Variants in ZCCHC4 observed in about 807,000 individuals in gnomAD.
ZCCHC4 encodes the protein rRNA N(6)-adenosine-methyltransferase ZCCHC4.
In ZCCHC4, 54 loss-of-function variants were observed where a neutral mutation model predicts 67.7. The ratio of observed to expected loss-of-function variants is 0.80; its 90% CI spans 0.64 to 1.00. The LOEUF (loss-of-function observed/expected upper bound fraction) is 1.00, where lower values mean the gene tolerates loss of function less well. Among genes scored for constraint, ZCCHC4 ranks in the 50% least tolerant of loss-of-function variants. ZCCHC4 has a pLI of 0.00. For synonymous variants in ZCCHC4, 198 were observed against 213.5 expected, an observed-to-expected ratio of 0.93 and a Z score of 0.63; for missense variants, 609 against 617.0, an observed-to-expected ratio of 0.99 and a Z score of 0.14.
chr4:25,347,382 A>C (rs1408879949), intron 6 of ZCCHC4, among the ~76,000 whole-genome samples: 1 of 152,196 alleles, frequency 6.6e-6, no homozygotes, highest in Admixed American at 6.5e-5. Flanking sequence ...TTACCTTATA[A>C]GTTTCTACAA....
intron 5 of ZCCHC4, among the ~76,000 whole-genome samples, chr4:25,343,048 G>A (rs1719832656): frequency 6.6e-6 from 1 of 152,142 alleles, no homozygotes; most frequent in Non-Finnish European, 1.5e-5. Flanking sequence ...TACTTATAAA[G>A]CAGTGCAAGA....
chr4:25,366,330 T>C, intron 12 of ZCCHC4: 1 of 834,018 alleles, frequency 1.2e-6, no homozygotes, highest in Non-Finnish European at 1.4e-6. Context: ...TTTTTTTTTT[T>C]TTAAAGACAG....
chr4:25,327,394 C>T (rs540960055), intron 3 of ZCCHC4, among the ~76,000 whole-genome samples: 7 of 139,656 alleles, frequency 5.0e-5, no homozygotes, highest in Non-Finnish European at 7.6e-5. Context: ...CCCTCCCTCC[C>T]TCCCTCCTTC....
At chr4:25,332,079 G>A (rs1459906036) in intron 3 of ZCCHC4, among the ~76,000 whole-genome samples, 1 of 152,066 alleles carries the variant, frequency 6.6e-6, no homozygotes, top group Non-Finnish European at 1.5e-5. Flanking sequence ...AGGCCAAGGC[G>A]GGCGGATCAC....
intron 8 of ZCCHC4, among the ~76,000 whole-genome samples, chr4:25,357,763 C>T (rs1434642258): frequency 6.6e-6 from 1 of 152,206 alleles, no homozygotes; most frequent in Non-Finnish European, 1.5e-5. Flanking sequence ...CTTACCTGTA[C>T]TGACCTCATA....
At position 25,349,550 on chromosome 4, in the gene ZCCHC4, T is replaced by A. The variant is rs2109081688; in HGVS notation, c.818T>A (p.Met273Lys). 6.2e-7 allele frequency: 1 copy of A among 1,614,050 alleles called. No individual in the cohort carries two copies. The highest frequency in any genetic ancestry group is 2.2e-5 in the East Asian group (1 of 44,876). ...LQEDKGEGII[M>K]VTDPPFGGLV... ...GAAGATAAAGGCGAAGGAATCATTA[T>A]GGTGACGGATCCTCCGTTTGGTGGC... is the stretch of plus-strand genomic sequence containing the variant. The change falls in exon 7 of 13, where the codon ATG becomes AAG. Residue 273 changes from methionine (M) to lysine (K), a missense_variant. Transcript: ENST00000302874.
chr4:25,355,633 A>G (rs1029270134), intron 8 of ZCCHC4, among the ~76,000 whole-genome samples: 1 of 152,186 alleles, frequency 6.6e-6, no homozygotes, highest in Non-Finnish European at 1.5e-5. Flanking sequence ...GCCTGTTAGG[A>G]CAGTATGTTT....
chr4:25,327,426 T>TTCCCTCCTTCCCTCC (rs1218484287), intron 3 of ZCCHC4, among the ~76,000 whole-genome samples: 69 of 87,566 alleles, frequency 7.9e-4, no homozygotes, highest in African/African-American at 3.8e-3. Context: ...CCTTCCCTCC[T>TTCCCTCCTTCCCTCC]TCCCTCCTTC....
chr4:25,314,253 C>A, intron 2 of ZCCHC4, 89 bp downstream of exon 2: 2 of 802,414 alleles, frequency 2.5e-6, no homozygotes, highest in South Asian at 3.4e-5. Flanking sequence ...AATATGCGGT[C>A]TGAACATACA....
Position 25,333,196 on chromosome 4 carries a change from A to C in ZCCHC4, c.343A>C (p.Ile115Leu). The change falls in exon 4 of 13, where the codon ATT (isoleucine) becomes CTT (leucine). Residue 115 changes from isoleucine (I) to leucine (L), a missense_variant. Transcript: ENST00000302874. ...TQCVERYLKF[I>L]ELPLTQRKFC... ...TTTGTCTTGAAGGTACTTGAAGTTT[A>C]TTGAGTTGCCCTTGACTCAGAGAAA... 6.2e-7 allele frequency: 1 copy of C among 1,612,612 alleles called. No homozygotes were observed. The highest frequency in any genetic ancestry group is 8.5e-7 in the Non-Finnish European group (1 of 1,178,902).
At chr4:25,325,426 C>G (rs1399363015) in intron 3 of ZCCHC4, among the ~76,000 whole-genome samples, 1 of 150,944 alleles carries the variant, frequency 6.6e-6, no homozygotes, top group East Asian at 2.0e-4. Flanking sequence ...TGCCACCACA[C>G]CCGGCTAATT....
intron 5 of ZCCHC4, among the ~76,000 whole-genome samples, chr4:25,342,095 A>G (rs1255738897): frequency 6.6e-6 from 1 of 152,144 alleles, no homozygotes; most frequent in Non-Finnish European, 1.5e-5. Context: ...TTTTTTTGAT[A>G]ACGTAGTCTG....
Position 25,312,837 on chromosome 4 carries a change from G to A in ZCCHC4, c.28G>A (p.Ala10Thr), listed in dbSNP as rs747182175. The change falls in exon 1 of 13, where the codon GCC (alanine) becomes ACC (threonine). Residue 10 changes from alanine (A) to threonine (T), a missense_variant. Physicochemically the swap from Ala to Thr is moderately conservative, Grantham distance 58. Transcript: ENST00000302874. ...GGCGGCCTCCAGGAATGGGTTTGAAGCCGTGGAGGCAGAGGGCAGCGCAGG... is the reference window on the plus strand; with the variant it reads ...GGCGGCCTCCAGGAATGGGTTTGAAACCGTGGAGGCAGAGGGCAGCGCAGG... The part of the protein sequence containing the change: MAASRNGFE[A>T]VEAEGSAGCR... 3.7e-6 allele frequency: 6 copies of A among 1,613,226 alleles called. No individual in the cohort carries two copies. The highest frequency in any genetic ancestry group is 2.2e-5 in the South Asian group (2 of 91,042).
intron 5 of ZCCHC4, among the ~76,000 whole-genome samples, chr4:25,343,305 C>T (rs1456130619): frequency 6.6e-6 from 1 of 152,106 alleles, no homozygotes; most frequent in Non-Finnish European, 1.5e-5. Flanking sequence ...AATGTGCTAA[C>T]AGTGTCTTAA....
intron 3 of ZCCHC4, among the ~76,000 whole-genome samples, chr4:25,317,533 GA>G (rs1718318741): frequency 6.6e-6 from 1 of 151,812 alleles, no homozygotes; most frequent in African/African-American, 2.4e-5. Context: ...CCAACATGGT[GA>G]AATCCCATCT....
rs776975597 is a variant in ZCCHC4 at position 25,312,840 on chromosome 4, G to A, written c.31G>A (p.Val11Met). 1.9e-6 allele frequency: 3 copies of A among 1,613,202 alleles called. No individual in the cohort carries two copies. Among genetic ancestry groups the A allele is most frequent in the Non-Finnish European group, 2.5e-6 (3 of 1,180,044 alleles). Residue 11 changes from valine to methionine, a missense_variant, in exon 1 of 13, where the codon GTG becomes ATG. Physicochemically the swap from Val to Met is conservative, Grantham distance 21. Transcript: ENST00000302874. ...GGCCTCCAGGAATGGGTTTGAAGCC[G>A]TGGAGGCAGAGGGCAGCGCAGGGTG... MAASRNGFEA[V>M]EAEGSAGCRG...
chr4:25,321,264 T>C (rs936971326), intron 3 of ZCCHC4, among the ~76,000 whole-genome samples: 2 of 152,102 alleles, frequency 1.3e-5, no homozygotes, highest in Non-Finnish European at 2.9e-5. Context: ...CTTTTCTTTC[T>C]TTTTTTGGAG....
At chr4:25,345,484 T>G in intron 5 of ZCCHC4, 64 bp from the exon 6 acceptor site, 1 of 921,456 alleles carries the variant, frequency 1.1e-6, no homozygotes, top group Non-Finnish European at 1.7e-6. Flanking sequence ...TGTTTTAAAA[T>G]TTAGTTTATA....
intron 5 of ZCCHC4, among the ~76,000 whole-genome samples, chr4:25,340,479 G>C (rs1191278790): frequency 6.6e-6 from 1 of 152,072 alleles, no homozygotes; most frequent in Non-Finnish European, 1.5e-5. Context: ...TGTTCTGGGT[G>C]TCTTGCGTTT....
Sources: allele counts gnomAD v4.1 joint callset (sites outside exome capture counted in the v4.1 genomes callset), GRCh38; gene constraint gnomAD v4.1.1; transcripts MANE v1.5; gene names NCBI Gene and HGNC (gene_info 2026-07-23, HGNC 2026-07-21).